The following RGS9 variants were observed in gnomAD, a reference collection of about 807,000 sequenced individuals.
RGS9 encodes regulator of G-protein signalling 9.
Under a neutral mutation model 102.0 loss-of-function variants are expected in RGS9, and 78 were observed. That is an observed-to-expected ratio of 0.76 (90% CI 0.64 to 0.92). RGS9 has a LOEUF of 0.92. RGS9 is among the 40% of genes least tolerant of loss of function. RGS9 has a pLI of 0.00. For synonymous variants in RGS9, 353 were observed against 318.6 expected (o/e 1.11, Z -1.15); for missense variants, 833 against 866.1 (o/e 0.96, Z 0.48).
At position 65,147,054 on chromosome 17, in the gene RGS9, CA is replaced by C. The variant is rs554489501; in HGVS notation, c.58-6365del. ...AGCAGCTGTACCTCCCAGTGCCCCG[CA>C]AACACCCTCCTGGCGTTGTCCCTTT... On this transcript the variant is annotated intron_variant, in intron 1 of 18. Transcript: ENST00000262406. Among the ~76,000 whole-genome samples, 13 of 152,302 alleles carry C rather than the reference CA, an allele frequency of 8.5e-5. No homozygotes were observed. The South Asian group carries it at 1.5e-3, about 17-fold the overall frequency.
At chr17:65,221,295 G>A (rs1913699630) in intron 17 of RGS9, among the ~76,000 whole-genome samples, 1 of 152,100 alleles carries the variant, frequency 6.6e-6, no homozygotes, top group Non-Finnish European at 1.5e-5. Context: ...TAGAGAGGCT[G>A]ATCTGGTCAC....
At chr17:65,161,730 A>ATTTG (rs139410456) in intron 6 of RGS9, among the ~76,000 whole-genome samples, 2,781 of 149,228 alleles carry the variant, frequency 0.019, 90 homozygotes, top group African/African-American at 0.067. Context: ...TTATTTATTT[A>ATTTG]TTTATTTGAG....
intron 1 of RGS9, among the ~76,000 whole-genome samples, chr17:65,138,292 T>A (rs1909989713): frequency 6.6e-6 from 1 of 152,160 alleles, no homozygotes; most frequent in African/African-American, 2.4e-5. Context: ...TCCGATGAGA[T>A]CTACAGAGGA....
At chr17:65,198,781 C>T (rs903787209) in intron 13 of RGS9, among the ~76,000 whole-genome samples, 4 of 152,246 alleles carry the variant, frequency 2.6e-5, no homozygotes, top group African/African-American at 4.8e-5. Flanking sequence ...GCTCCAGAAA[C>T]GAATCCTACT....
intron 1 of RGS9, among the ~76,000 whole-genome samples, chr17:65,142,931 TC>T (rs796429210): frequency 1.6e-4 from 25 of 152,172 alleles, no homozygotes; most frequent in African/African-American, 6.0e-4. Flanking sequence ...TTTAACAATT[TC>T]TTTTTTTAGA....
chr17:65,227,190 C>T, intron 18 of RGS9, 85 bp from the exon 19 acceptor site: 1 of 1,590,058 alleles, frequency 6.3e-7, no homozygotes, highest in South Asian at 1.1e-5. Flanking sequence ...GTATGTTCAT[C>T]TTCAAGGATG....
intron 9 of RGS9, among the ~76,000 whole-genome samples, chr17:65,181,328 C>T (rs967350743): frequency 6.6e-6 from 1 of 152,182 alleles, no homozygotes; most frequent in African/African-American, 2.4e-5. Flanking sequence ...TGATAATAGC[C>T]ATTCTGACTA....
chr17:65,171,347 A>G (rs1281375493), intron 8 of RGS9, among the ~76,000 whole-genome samples: 1 of 152,184 alleles, frequency 6.6e-6, no homozygotes, highest in Non-Finnish European at 1.5e-5. Flanking sequence ...TGATGTAGGG[A>G]ATATCACCAT....
At chr17:65,205,569 T>C (rs970978226) in intron 15 of RGS9, among the ~76,000 whole-genome samples, 5 of 152,016 alleles carry the variant, frequency 3.3e-5, no homozygotes, top group African/African-American at 4.8e-5. Flanking sequence ...ATATAGGTTA[T>C]ATGAGATTAT....
intron 8 of RGS9, among the ~76,000 whole-genome samples, chr17:65,175,235 A>G (rs1226934462): frequency 1.3e-5 from 2 of 151,272 alleles, no homozygotes; most frequent in Admixed American, 6.6e-5. Flanking sequence ...GTATGTGAGC[A>G]TGTGTGAGTG....
intron 1 of RGS9, among the ~76,000 whole-genome samples, chr17:65,152,473 T>C (rs1479457368): frequency 1.3e-5 from 2 of 152,246 alleles, no homozygotes; most frequent in African/African-American, 2.4e-5. Flanking sequence ...AAAGCCCATC[T>C]GGCTGCTCTG....
At chr17:65,143,632 A>G (rs1402629919) in intron 1 of RGS9, among the ~76,000 whole-genome samples, 1 of 151,806 alleles carries the variant, frequency 6.6e-6, no homozygotes, top group Non-Finnish European at 1.5e-5. Flanking sequence ...AAATACACAC[A>G]CACACACACA....
chr17:65,204,086 C>G, intron 14 of RGS9, 77 bp from the exon 15 acceptor site: 1 of 1,559,624 alleles, frequency 6.4e-7, no homozygotes, highest in East Asian at 2.2e-5. Context: ...ATCAGTCCTT[C>G]CCTCCCAAGC....
chr17:65,216,618 C>T (rs982313337), intron 17 of RGS9, among the ~76,000 whole-genome samples: 2 of 152,172 alleles, frequency 1.3e-5, no homozygotes, highest in Non-Finnish European at 2.9e-5. Flanking sequence ...GCCTGGGCAA[C>T]GATTTTACAG....
At chr17:65,181,488 G>A (rs1298969840) in intron 9 of RGS9, among the ~76,000 whole-genome samples, 1 of 152,234 alleles carries the variant, frequency 6.6e-6, no homozygotes, top group Non-Finnish European at 1.5e-5. Context: ...TCGGGCCCTG[G>A]GTGGCCCACT....
intron 1 of RGS9, among the ~76,000 whole-genome samples, chr17:65,145,337 G>A (rs776755939): frequency 2.0e-5 from 3 of 150,582 alleles, no homozygotes; most frequent in Non-Finnish European, 4.4e-5. Flanking sequence ...ATGATCCACC[G>A]GCCTTGGTTT....
At chr17:65,190,376 G>A (rs1194155143) in intron 11 of RGS9, 140 bp downstream of exon 11, 13 of 791,106 alleles carry the variant, frequency 1.6e-5, no homozygotes, top group African/African-American at 1.5e-4. Flanking sequence ...TCTCTTGGGG[G>A]CTTAGTTCCT....
At chr17:65,162,974 C>G in intron 6 of RGS9, 39 bp from the exon 7 acceptor site, 1 of 1,169,282 alleles carries the variant, frequency 8.6e-7, no homozygotes, top group South Asian at 1.3e-5. Flanking sequence ...TGGCATATGT[C>G]TTGGGGCTTT....
intron 8 of RGS9, among the ~76,000 whole-genome samples, chr17:65,169,084 C>T (rs1375984178): frequency 6.6e-6 from 1 of 152,198 alleles, no homozygotes; most frequent in Non-Finnish European, 1.5e-5. Context: ...CTTTAGCTTC[C>T]TTGCCTGCCA....
Sources: allele counts gnomAD v4.1 joint callset (sites outside exome capture counted in the v4.1 genomes callset), GRCh38; gene constraint gnomAD v4.1.1; transcripts MANE v1.5; gene names NCBI Gene and HGNC (gene_info 2026-07-23, HGNC 2026-07-21).